The following PVT1 variants were observed in gnomAD, a reference collection of about 807,000 sequenced individuals.
The protein encoded by PVT1 is Pvt1 oncogene.
chr8:127,938,378 GCT>G (rs985085975), intron 3 of PVT1, among the ~76,000 whole-genome samples: 2 of 152,158 alleles, frequency 1.3e-5, no homozygotes, highest in Non-Finnish European at 2.9e-5. Context: ...CAGAGATGAG[GCT>G]TACTCATCTC....
In PVT1 at chr8:127,921,854, G is replaced by GTTTTTTTTTTTTTTTTTTTTTT. The variant is rs71300279; in HGVS notation, n.782+30859_782+30880dup. Among the ~76,000 whole-genome samples, 20 of 71,904 alleles carry GTTTTTTTTTTTTTTTTTTTTTT rather than the reference G, an allele frequency of 2.8e-4. 2 individuals carry two copies. Among genetic ancestry groups the GTTTTTTTTTTTTTTTTTTTTTT allele is most frequent in the South Asian group, 7.3e-4 (1 of 1,378 alleles). 47.2% of individuals were successfully genotyped at this position (71,904 alleles called of 152,430 possible). On this transcript the variant is annotated intron_variant and non_coding_transcript_variant, in intron 3 of 10. Transcript: ENST00000651587. ...AAAAAAATTATAATTTTTGGTTCAT[G>GTTTTTTTTTTTTTTTTTTTTTT]TTTTTTTTTTTTTTTTTTTTTTTTG...
chr8:127,898,119 A>G lies in PVT1; in HGVS notation n.782+7121A>G, dbSNP rs1444354626. Among the ~76,000 whole-genome samples, 2 of 151,268 alleles carry G rather than the reference A, an allele frequency of 1.3e-5. No individual in the cohort carries two copies. Among genetic ancestry groups the G allele is most frequent in the South Asian group, 2.1e-4 (1 of 4,774 alleles). On this transcript the variant is annotated intron_variant and non_coding_transcript_variant, in intron 3 of 10. Transcript: ENST00000651587. This position sits in a 1 kb window ranked among gnomAD's most constrained non-coding sequence, Gnocchi z 4.4. ...GGAAGGAAAGAAGGAAGGAAGGAAG[A>G]AAGAAGGAAAGAAAGAAGATTCATT...
At chr8:127,988,660 A>G (rs1816996901) in intron 3 of PVT1, among the ~76,000 whole-genome samples, 1 of 152,242 alleles carries the variant, frequency 6.6e-6, no homozygotes, top group Non-Finnish European at 1.5e-5. Flanking sequence ...TTGGGCTCAG[A>G]TAAAACTTAC....
chr8:127,917,643 G>A (rs1010005044), intron 3 of PVT1, among the ~76,000 whole-genome samples: 3 of 152,322 alleles, frequency 2.0e-5, no homozygotes, highest in South Asian at 2.1e-4. Flanking sequence ...TTTAGTTTGC[G>A]GTCTCAAACC....
intron 3 of PVT1, among the ~76,000 whole-genome samples, chr8:127,984,543 G>A (rs1209012224): frequency 2.0e-5 from 3 of 152,232 alleles, no homozygotes; most frequent in Non-Finnish European, 4.4e-5. Context: ...GTTGTGTTGA[G>A]CACTCTGCAG....
chr8:127,889,798 T>C (rs1815577185), intron 2 of PVT1, among the ~76,000 whole-genome samples: 1 of 152,140 alleles, frequency 6.6e-6, no homozygotes, highest in Non-Finnish European at 1.5e-5. Context: ...CCAGGGTGTT[T>C]GAGAGATCAT....
intron 3 of PVT1, among the ~76,000 whole-genome samples, chr8:127,980,358 G>A (rs1453244919): frequency 2.0e-5 from 3 of 152,190 alleles, no homozygotes; most frequent in Non-Finnish European, 4.4e-5. Context: ...CCTTACGGAG[G>A]TTATAGTCTA....
chr8:127,955,678 G>A (rs999052109), intron 3 of PVT1, among the ~76,000 whole-genome samples: 8 of 150,418 alleles, frequency 5.3e-5, no homozygotes, highest in Admixed American at 4.0e-4. Flanking sequence ...CACCTCCCAA[G>A]TTCGAGTGAT....
intron 3 of PVT1, among the ~76,000 whole-genome samples, chr8:127,914,859 C>A (rs970982532): frequency 3.4e-5 from 5 of 148,080 alleles, no homozygotes; most frequent in African/African-American, 1.0e-4. Context: ...CTCTTGTTTC[C>A]CAGGCTGGAG....
chr8:127,857,554 C>T (rs573209926), intron 2 of PVT1, among the ~76,000 whole-genome samples: 83 of 152,176 alleles, frequency 5.5e-4, no homozygotes, highest in Non-Finnish European at 1.0e-3. Flanking sequence ...TGCCTATAGT[C>T]CCAGCTACTC....
chr8:127,837,455 A>G (rs189075230), intron 2 of PVT1, among the ~76,000 whole-genome samples: 19 of 151,702 alleles, frequency 1.3e-4, no homozygotes, highest in African/African-American at 2.9e-4. Context: ...TAATGGCTTC[A>G]TGAACCATTG....
chr8:127,901,894 A>G (rs951931471), intron 3 of PVT1, among the ~76,000 whole-genome samples: 1 of 146,096 alleles, frequency 6.8e-6, no homozygotes, highest in South Asian at 2.2e-4. Context: ...GAGCCACTGC[A>G]CCTGGCCAAG....
At chr8:128,087,000 C>A (rs1267209410) in intron 5 of PVT1, among the ~76,000 whole-genome samples, 2 of 152,242 alleles carry the variant, frequency 1.3e-5, no homozygotes, top group Non-Finnish European at 2.9e-5. Context: ...ATCTACTTCC[C>A]AGAATTGTCA....
At chr8:128,088,667 T>C (rs767113165) in intron 5 of PVT1, among the ~76,000 whole-genome samples, 7 of 152,218 alleles carry the variant, frequency 4.6e-5, no homozygotes, top group African/African-American at 1.4e-4. Context: ...GAATGTTGCA[T>C]GTGCACCTGA....
At position 127,884,835 on chromosome 8, in the gene PVT1, A is replaced by G. The variant is rs140683247; in HGVS notation, n.373-5754A>G. Reference sequence around the variant, plus strand: ...GGCGAGGTGCAGCCACCTTCTTGTGAGCATCAGGGCAGTCCTTGCCATTGG... The same window carrying G: ...GGCGAGGTGCAGCCACCTTCTTGTGGGCATCAGGGCAGTCCTTGCCATTGG... On this transcript the variant is annotated intron_variant and non_coding_transcript_variant, in intron 2 of 10. Coordinates refer to ENST00000651587, the Ensembl canonical transcript of PVT1. Among the ~76,000 whole-genome samples the G allele has an allele frequency of 3.4e-3, 513 of 152,278 alleles. 4 individuals carry two copies. Among genetic ancestry groups the G allele is most frequent in the African/African-American group, 0.012 (486 of 41,546 alleles).
chr8:127,978,558 A>G (rs553691928), intron 3 of PVT1, among the ~76,000 whole-genome samples: 1 of 151,556 alleles, frequency 6.6e-6, no homozygotes, highest in Non-Finnish European at 1.5e-5. Context: ...ATTTCGGCTC[A>G]CTACAACTTC....
intron 3 of PVT1, among the ~76,000 whole-genome samples, chr8:127,911,331 C>T (rs1316408132): frequency 6.6e-6 from 1 of 152,204 alleles, no homozygotes; most frequent in Non-Finnish European, 1.5e-5. Flanking sequence ...AGACTCAAAG[C>T]CCTGAAGATA....
chr8:127,808,168 C>G (rs1284982650), intron 2 of PVT1, among the ~76,000 whole-genome samples: 1 of 152,132 alleles, frequency 6.6e-6, no homozygotes, highest in South Asian at 2.1e-4. Context: ...GTTCCTCAGC[C>G]TCCCGAGTAT....
At chr8:127,828,083 G>T (rs1448646393) in intron 2 of PVT1, among the ~76,000 whole-genome samples, 2 of 152,170 alleles carry the variant, frequency 1.3e-5, no homozygotes, top group African/African-American at 4.8e-5. Context: ...TGAGGGGTGG[G>T]CAGGGTGTGT....
Sources: allele counts gnomAD v4.1 joint callset (sites outside exome capture counted in the v4.1 genomes callset), GRCh38; gene constraint gnomAD v4.1.1; non-coding constraint Gnocchi (gnomAD v3.1); transcripts MANE v1.5; gene names NCBI Gene and HGNC (gene_info 2026-07-23, HGNC 2026-07-21).